PKHD1: variants seen among roughly 807,000 people sequenced by gnomAD.
The protein encoded by PKHD1 is fibrocystin.
PKHD1 carries 291 observed loss-of-function variants against 412.0 expected under a neutral mutation model. The ratio of observed to expected loss-of-function variants is 0.71; its 90% CI spans 0.64 to 0.78. PKHD1 has a LOEUF of 0.78. PKHD1 is among the 30% of genes least tolerant of loss of function. The pLI, the probability that PKHD1 is intolerant of heterozygous loss-of-function variation, is 0.00. For synonymous variants in PKHD1, 1,777 were observed against 1,821.5 expected, an observed-to-expected ratio of 0.98 and a Z score of 0.62; for missense variants, 4,825 against 4,950.7, an observed-to-expected ratio of 0.97 and a Z score of 0.76.
intron 35 of PKHD1, among the ~76,000 whole-genome samples, chr6:51,996,963 C>A (rs578262076): frequency 6.6e-6 from 1 of 152,330 alleles, no homozygotes; most frequent in East Asian, 1.9e-4. Flanking sequence ...TCTATAAGTG[C>A]ACAGTGATCA....
chr6:51,749,543 AC>A (rs1157339108), intron 57 of PKHD1, among the ~76,000 whole-genome samples: 2 of 152,318 alleles, frequency 1.3e-5, no homozygotes, highest in African/African-American at 4.8e-5. Context: ...TGAATTAAAT[AC>A]TTTAACTCTC....
At chr6:52,010,583 T>C (rs1379884336) in intron 34 of PKHD1, 124 bp from the exon 35 acceptor site, 3 of 846,394 alleles carry the variant, frequency 3.5e-6, no homozygotes, top group Admixed American at 2.1e-5. Context: ...TTGTCAAATT[T>C]TGCAAATTTC....
At chr6:51,957,608 G>T (rs768913325) in intron 36 of PKHD1, among the ~76,000 whole-genome samples, 9 of 152,098 alleles carry the variant, frequency 5.9e-5, no homozygotes, top group African/African-American at 1.9e-4. Context: ...AGCCGACGGG[G>T]TTCACTGATG....
chr6:51,806,648 A>C (rs2151366299), intron 52 of PKHD1, among the ~76,000 whole-genome samples: 1 of 152,344 alleles, frequency 6.6e-6, no homozygotes, highest in East Asian at 1.9e-4. Context: ...TTCTCCAAAA[A>C]TCACCAAGAC....
At position 51,748,672 on chromosome 6, in the gene PKHD1, A is replaced by C. The variant is rs760257250; in HGVS notation, c.8951-7T>G. 4.3e-6 allele frequency: 7 copies of C among 1,613,166 alleles called. No individual in the cohort carries two copies. The highest frequency in any genetic ancestry group is 5.1e-6 in the Non-Finnish European group (6 of 1,179,350). On this transcript the variant is annotated splice_polypyrimidine_tract_variant and splice_region_variant and intron_variant, in intron 57 of 66. Coordinates refer to ENST00000371117, the MANE Select transcript of PKHD1 (RefSeq NM_138694.4). Reference sequence around the variant, plus strand: ...TTAAGAAGTTGAAGGACACCTATAAACAAATGCATGTCATCAGGTACTTTC... The same window carrying C: ...TTAAGAAGTTGAAGGACACCTATAACCAAATGCATGTCATCAGGTACTTTC...
chr6:51,833,520 A>G lies in PKHD1; in HGVS notation c.8174-2531T>C, dbSNP rs1013386276. Reference sequence around the variant, plus strand: ...AATTTGTGGAGAGAAAAAGAAGCCTACAAGAGTTAAAGAAGCAGCAGTCAG... The same window carrying G: ...AATTTGTGGAGAGAAAAAGAAGCCTGCAAGAGTTAAAGAAGCAGCAGTCAG... On this transcript the variant is annotated intron_variant, in intron 51 of 66. Coordinates refer to ENST00000371117, the MANE Select transcript of PKHD1 (RefSeq NM_138694.4). 5.3e-5 allele frequency among the ~76,000 whole-genome samples: 8 copies of G among 149,952 alleles called. No homozygotes were observed. In the Admixed American group the frequency reaches 5.4e-4, roughly 10 times the overall value.
intron 60 of PKHD1, among the ~76,000 whole-genome samples, chr6:51,718,337 C>A (rs1040613020): frequency 6.6e-6 from 1 of 152,152 alleles, no homozygotes; most frequent in Non-Finnish European, 1.5e-5. Flanking sequence ...TGAGGGGTGG[C>A]GTTCTCCTGT....
intron 61 of PKHD1, among the ~76,000 whole-genome samples, chr6:51,656,365 G>C (rs1351168908): frequency 2.0e-5 from 3 of 152,086 alleles, no homozygotes; most frequent in East Asian, 3.9e-4. Context: ...AGGGAAGGGA[G>C]AGCATTAGGA....
At chr6:52,008,458 G>T (rs1864387) in intron 35 of PKHD1, among the ~76,000 whole-genome samples, 2,084 of 152,218 alleles carry the variant, frequency 0.014, 51 homozygotes, top group African/African-American at 0.047. Flanking sequence ...ACATGGTAGA[G>T]AACCTTGAAC....
chr6:51,782,035 A>G lies in PKHD1; in HGVS notation c.8441-6114T>C, dbSNP rs1183003330. On this transcript the variant is annotated intron_variant, in intron 53 of 66. Coordinates refer to ENST00000371117, the MANE Select transcript of PKHD1 (RefSeq NM_138694.4). ...ATTTTGTTTGTATGCAAAATTAAAT[A>G]GTTTATAATAAATTTATATGATTAA... 3.4e-5 allele frequency among the ~76,000 whole-genome samples: 4 copies of G among 116,034 alleles called. No individual in the cohort carries two copies. In the East Asian group the frequency reaches 1.4e-3, roughly 40 times the overall value. 76.1% of individuals were successfully genotyped at this position (116,034 alleles called of 152,430 possible).
intron 37 of PKHD1, among the ~76,000 whole-genome samples, chr6:51,916,723 C>T (rs918151774): frequency 1.3e-5 from 2 of 152,124 alleles, no homozygotes; most frequent in East Asian, 3.9e-4. Flanking sequence ...ACTATTGAAA[C>T]CCAGGTTGGG....
intron 37 of PKHD1, among the ~76,000 whole-genome samples, chr6:51,916,444 A>T (rs1242233994): frequency 6.6e-6 from 1 of 152,132 alleles, no homozygotes; most frequent in Non-Finnish European, 1.5e-5. Context: ...TGATTCTTCA[A>T]GGACAAGATT....
intron 34 of PKHD1, 38 bp downstream of exon 34, chr6:52,017,372 T>G: frequency 7.1e-7 from 1 of 1,413,214 alleles, no homozygotes; most frequent in Non-Finnish European, 1.0e-6. Flanking sequence ...TGGCCAAGCA[T>G]TTGTGGGGAA....
Position 52,050,368 on chromosome 6 carries a change from G to A in PKHD1, c.2141-73C>T, listed in dbSNP as rs1806620789. 8 of 1,472,560 alleles carry A rather than the reference G, an allele frequency of 5.4e-6. No homozygotes were observed. In the Admixed American group the frequency reaches 1.3e-4, roughly 25 times the overall value. The allele number at this position is 1,472,560 out of a possible 1,614,324, so 91.2% of individuals were successfully genotyped here. A position where few individuals can be genotyped will look rare whatever the true frequency, so the allele number is the denominator to read the frequency against. ...CTTGCTGTGTGGAAAATCCCAGTTG[G>A]AAATGTGAGTTACTCAGATCTCAGT... On this transcript the variant is annotated intron_variant, in intron 21 of 66. Transcript: ENST00000371117.
intron 18 of PKHD1, 120 bp downstream of exon 18, chr6:52,056,578 T>C: frequency 1.2e-6 from 1 of 838,228 alleles, no homozygotes; most frequent in African/African-American, 1.7e-5. Flanking sequence ...CAAATCCAGG[T>C]TTCATATTTT....
chr6:51,704,925 A>G (rs1283756153), intron 60 of PKHD1, among the ~76,000 whole-genome samples: 2 of 152,040 alleles, frequency 1.3e-5, no homozygotes, highest in Non-Finnish European at 2.9e-5. Context: ...GAGAATACTA[A>G]CATTGGAGGT....
intron 60 of PKHD1, among the ~76,000 whole-genome samples, chr6:51,690,365 C>G (rs1349129619): frequency 6.6e-6 from 1 of 151,126 alleles, no homozygotes; most frequent in African/African-American, 2.4e-5. Flanking sequence ...CCAAGACAAT[C>G]CTAAGCAAAA....
chr6:51,960,489 T>C (rs1209661784), intron 35 of PKHD1, among the ~76,000 whole-genome samples: 2 of 152,138 alleles, frequency 1.3e-5, no homozygotes. Flanking sequence ...ATGTTCTGCT[T>C]GATGGGTGGC....
chr6:51,736,458 CCT>C (rs1783861416), intron 60 of PKHD1, among the ~76,000 whole-genome samples: 1 of 152,008 alleles, frequency 6.6e-6, no homozygotes, highest in African/African-American at 2.4e-5. Context: ...CGTATCCCCC[CCT>C]GCTTGGGATT....
Sources: allele counts gnomAD v4.1 joint callset (sites outside exome capture counted in the v4.1 genomes callset), GRCh38; gene constraint gnomAD v4.1.1; transcripts MANE v1.5; gene names NCBI Gene and HGNC (gene_info 2026-07-23, HGNC 2026-07-21).